The following TENM1 variants were observed in gnomAD, a reference collection of about 807,000 sequenced individuals.
TENM1 encodes the protein teneurin transmembrane protein 1, also known as teneurin-1.
In TENM1, 35 loss-of-function variants were observed where a neutral mutation model predicts 174.8. The ratio of observed to expected loss-of-function variants is 0.20; its 90% CI spans 0.15 to 0.27. The LOEUF is 0.27. Ranked by LOEUF, TENM1 falls within the 10% of genes least tolerant of loss-of-function variation. The pLI is 1.00. For missense variants in TENM1, 1,633 were observed against 2,130.1 expected (o/e 0.77, Z 4.59); for synonymous variants, 781 against 798.7 (o/e 0.98, Z 0.37).
chrX:125,060,146 GCTCTCTCTCTCTCCT>G, the TENM1 span, among the ~76,000 whole-genome samples: 3 of 95,275 alleles, frequency 3.1e-5, no homozygotes, highest in Non-Finnish European at 6.3e-5. Flanking sequence ...CCCAACTTTC[GCTCTCTCTCTCTCCT>G]CTCTCTCTCT....
the TENM1 span, among the ~76,000 whole-genome samples, chrX:125,172,929 T>C: frequency 1.8e-5 from 2 of 111,815 alleles, no homozygotes; most frequent in Admixed American, 1.9e-4. Flanking sequence ...TTTTAATTTA[T>C]ATTCTGGAAG....
intron 11 of TENM1, among the ~76,000 whole-genome samples, chrX:124,579,488 C>T (rs780304361): frequency 1.5e-4 from 17 of 111,786 alleles, no homozygotes; most frequent in Non-Finnish European, 7.5e-5. Flanking sequence ...GCTTGAATGA[C>T]ACCTTCTTCA....
At chrX:125,179,392 C>A in the TENM1 span, among the ~76,000 whole-genome samples, 1 of 110,273 alleles carries the variant, frequency 9.1e-6, no homozygotes, top group Non-Finnish European at 1.9e-5. Flanking sequence ...GGCAGGAGGA[C>A]GGCTTGGGGC....
intron 11 of TENM1, among the ~76,000 whole-genome samples, chrX:124,633,590 T>A (rs2050809762): frequency 9.0e-6 from 1 of 110,639 alleles, no homozygotes; most frequent in African/African-American, 3.3e-5. Context: ...TGCCTTACAA[T>A]CTTAAATTAC....
At chrX:124,645,067 TAGG>T in intron 10 of TENM1, 73 bp downstream of exon 13, 6 of 1,037,901 alleles carry the variant, frequency 5.8e-6, no homozygotes, top group South Asian at 2.1e-5. Flanking sequence ...GCATCTCTAC[TAGG>T]AGAACAGAAT....
rs2051321686 is a variant in TENM1 at position 124,652,038 on chromosome X, G to T, written c.1455C>A (p.Asn485Lys). Residue 485 changes from asparagine (N) to lysine (K), a missense_variant, in exon 8 of 32, where the codon AAC becomes AAA. Physicochemically the swap from Asn to Lys is moderately conservative, Grantham distance 94. This residue lies in a region of TENM1 where 449 missense variants were observed against 636.2 expected (regional missense o/e 0.71). Transcript: ENST00000422452. The stretch of plus-strand genomic sequence containing the variant: ...TCTCCTGAAGCGAAGTTAAGATCAG[G>T]TTCCGAGGGGAGTGCTGTGTATCAT... 2 of 1,209,919 alleles carry T rather than the reference G, an allele frequency of 1.7e-6. No individual in the cohort carries two copies. Among genetic ancestry groups the T allele is most frequent in the Non-Finnish European group, 2.2e-6 (2 of 895,232 alleles).
chrX:124,973,495 G>A, the TENM1 span, among the ~76,000 whole-genome samples: 7 of 111,474 alleles, frequency 6.3e-5, no homozygotes, highest in East Asian at 2.8e-4. Flanking sequence ...TACTTTGGGC[G>A]GTATGGCCAT....
chrX:124,486,824 T>C (rs1266103268), intron 21 of TENM1, among the ~76,000 whole-genome samples: 1 of 112,036 alleles, frequency 8.9e-6, no homozygotes, highest in Non-Finnish European at 1.9e-5. Context: ...ACTGTACTTC[T>C]GGATCTAGGG....
chrX:124,617,745 T>C (rs2050429441), intron 11 of TENM1, among the ~76,000 whole-genome samples: 1 of 111,884 alleles, frequency 8.9e-6, no homozygotes, highest in African/African-American at 3.2e-5. Context: ...GCTGTTTCTT[T>C]TTTGTTTTTT....
chrX:124,847,191 G>A (rs112798484), intron 3 of TENM1, among the ~76,000 whole-genome samples: 3,081 of 111,108 alleles, frequency 0.028, 116 homozygotes, highest in African/African-American at 0.096. Flanking sequence ...AGAGTGGGCT[G>A]TGGTAATCAG....
chrX:124,813,854 A>T (rs2055837882), intron 3 of TENM1, among the ~76,000 whole-genome samples: 1 of 111,438 alleles, frequency 9.0e-6, no homozygotes, highest in Non-Finnish European at 1.9e-5. Context: ...CTTTTTTGAC[A>T]TAAAAAAGCA....
intron 3 of TENM1, among the ~76,000 whole-genome samples, chrX:124,801,142 G>T (rs2055437273): frequency 9.0e-6 from 1 of 111,626 alleles, no homozygotes; most frequent in Non-Finnish European, 1.9e-5. Context: ...TTCAAGTCCA[G>T]AATATCCTTG....
At chrX:124,834,322 C>A (rs987781593) in intron 3 of TENM1, among the ~76,000 whole-genome samples, 4 of 111,214 alleles carry the variant, frequency 3.6e-5, no homozygotes, top group African/African-American at 9.8e-5. Flanking sequence ...CAGGTGCCTG[C>A]CACCACGCCC....
At chrX:124,588,835 C>T (rs1183712271) in intron 11 of TENM1, among the ~76,000 whole-genome samples, 1 of 111,581 alleles carries the variant, frequency 9.0e-6, no homozygotes, top group Non-Finnish European at 1.9e-5. Context: ...AGAATGATAA[C>T]ATCCATGAAG....
At chrX:124,962,340 G>T (rs147238999) in intron 1 of TENM1, among the ~76,000 whole-genome samples, 3,734 of 111,280 alleles carry the variant, frequency 0.034, 103 homozygotes, top group African/African-American at 0.099. Context: ...CTGGGGATTT[G>T]TTAAACCACA....
chrX:125,001,901 C>G, the TENM1 span, among the ~76,000 whole-genome samples: 3 of 92,195 alleles, frequency 3.3e-5, no homozygotes, highest in Non-Finnish European at 6.5e-5. Flanking sequence ...CTCTCTCTAC[C>G]TCCAGTCCAT....
intron 3 of TENM1, among the ~76,000 whole-genome samples, chrX:124,846,217 G>A (rs2056604936): frequency 9.0e-6 from 1 of 110,597 alleles, no homozygotes. Context: ...AAACGACATC[G>A]GTGGGTGTCA....
intron 3 of TENM1, among the ~76,000 whole-genome samples, chrX:124,829,807 T>C (rs959647578): frequency 1.2e-4 from 14 of 112,509 alleles, no homozygotes; most frequent in African/African-American, 3.9e-4. Context: ...CTCTTAGTTG[T>C]ATGTTATCTG....
At chrX:124,887,020 A>G (rs1344600899) in intron 3 of TENM1, among the ~76,000 whole-genome samples, 1 of 111,085 alleles carries the variant, frequency 9.0e-6, no homozygotes, top group Non-Finnish European at 1.9e-5. Context: ...ATATAGCTTT[A>G]GTAGGTAAAT....
Sources: gnomAD v4.1 joint callset for allele counts (sites outside exome capture counted in the v4.1 genomes callset) on GRCh38, gnomAD v4.1.1 for gene constraint, gnomAD v4.1.1 regional missense constraint, MANE v1.5 for transcripts, NCBI Gene and HGNC (gene_info 2026-07-23, HGNC 2026-07-21) for gene names.